The following DLG5 variants were observed in gnomAD, a reference collection of about 807,000 sequenced individuals.
DLG5 encodes the protein discs large MAGUK scaffold protein 5.
DLG5 carries 48 observed loss-of-function variants against 189.8 expected under a neutral mutation model. That is an observed-to-expected ratio of 0.25 (90% CI 0.20 to 0.32). The LOEUF is 0.32. Ranked by LOEUF, DLG5 falls within the 10% of genes least tolerant of loss-of-function variation. DLG5 has a pLI of 1.00. For synonymous variants in DLG5, 1,016 were observed against 1,054.1 expected (o/e 0.96, Z 0.70); for missense variants, 2,160 against 2,544.7 (o/e 0.85, Z 3.25).
At chr10:77,920,269 T>C (rs1846497138) in intron 1 of DLG5, among the ~76,000 whole-genome samples, 1 of 152,224 alleles carries the variant, frequency 6.6e-6, no homozygotes, top group African/African-American at 2.4e-5. Context: ...AAGTAGTTAG[T>C]GTTTTAATTA....
At chr10:77,870,811 G>A (rs1315444639) in intron 1 of DLG5, among the ~76,000 whole-genome samples, 1 of 152,138 alleles carries the variant, frequency 6.6e-6, no homozygotes, top group South Asian at 2.1e-4. Context: ...AGGGGAGGGA[G>A]ATGCACTGTA....
At chr10:77,856,635 C>T in intron 3 of DLG5, 95 bp downstream of exon 3, 2 of 1,510,274 alleles carry the variant, frequency 1.3e-6, no homozygotes, top group Non-Finnish European at 1.8e-6. Flanking sequence ...AGCCTGGACC[C>T]CCAGGAGCCA....
intron 1 of DLG5, among the ~76,000 whole-genome samples, chr10:77,900,512 C>T (rs1280270386): frequency 6.6e-6 from 1 of 152,156 alleles, no homozygotes; most frequent in Non-Finnish European, 1.5e-5. Context: ...AAAAACGATC[C>T]CCTTTGGCTG....
rs1844121430 is a variant in DLG5 at position 77,854,289 on chromosome 10, C to G, written c.618G>C (p.Gln206His). The change falls in exon 4 of 32, where the codon CAG (glutamine) becomes CAC (histidine). Residue 206 changes from glutamine (Q) to histidine (H), a missense_variant. Gln to His is a conservative substitution (Grantham distance 24). Around this residue, in one of 5 missense-constraint regions of DLG5, gnomAD observed 664 missense variants for 838.5 expected, o/e 0.79. Transcript: ENST00000372391. Reference protein sequence around the residue: ...VRAMSDLQSLQNQHTNALKRC... With the variant: ...VRAMSDLQSLHNQHTNALKRC... ...TCTTCAAGGCGTTGGTGTGCTGGTT[C>G]TGCAGGCTCTGCAGGTCCGACATGG... The G allele has an allele frequency of 6.2e-7, 1 of 1,614,096 alleles. No individual in the cohort carries two copies.
chr10:77,879,691 T>C (rs959638987), intron 1 of DLG5, among the ~76,000 whole-genome samples: 2 of 151,228 alleles, frequency 1.3e-5, no homozygotes, highest in Admixed American at 6.6e-5. Flanking sequence ...GATCTGCTCA[T>C]AGGCCCAATG....
chr10:77,870,754 G>C (rs1327983115), intron 1 of DLG5, among the ~76,000 whole-genome samples: 1 of 152,040 alleles, frequency 6.6e-6, no homozygotes, highest in East Asian at 1.9e-4. Flanking sequence ...ATCTTTGGAC[G>C]GGAAAGAGGA....
In DLG5 at chr10:77,811,152, G is replaced by C. The variant is rs1022844919; in HGVS notation, c.4405C>G (p.Pro1469Ala). 1 of 1,613,028 alleles carries C rather than the reference G, an allele frequency of 6.2e-7. No homozygotes were observed. Among genetic ancestry groups the C allele is most frequent in the Admixed American group, 1.7e-5 (1 of 59,978 alleles). Residue 1469 changes from proline (P) to alanine (A), a missense_variant, in exon 23 of 32, where the codon CCA becomes GCA. By Grantham distance (27) the Pro-to-Ala change is conservative. Around this residue, in one of 5 missense-constraint regions of DLG5, gnomAD observed 574 missense variants for 644.2 expected, o/e 0.89. Transcript: ENST00000372391. ...TTPEHPSVID[P>A]LMEQDEGPST... The stretch of plus-strand genomic sequence containing the variant: ...GGCCCCTCGTCCTGCTCCATCAGTG[G>C]GTCGATGACAGATGGATGCTCCGGG...
At position 77,880,647 on chromosome 10, in the gene DLG5, G is replaced by C. The variant is rs540737935; in HGVS notation, c.305-11450C>G. On this transcript the variant is annotated intron_variant, in intron 1 of 31. Coordinates refer to ENST00000372391, the MANE Select transcript of DLG5 (RefSeq NM_004747.4). ...AACTTCCCCAGTTATCAAGGAGGCT[G>C]ATGGAAATGAGGCAGAGCATTAGGG... 7.9e-5 allele frequency among the ~76,000 whole-genome samples: 12 copies of C among 152,246 alleles called. No individual in the cohort carries two copies. In the South Asian group the frequency reaches 2.5e-3, roughly 32 times the overall value.
chr10:77,814,425 G>T (rs1452389408), intron 20 of DLG5, among the ~76,000 whole-genome samples: 1 of 122,948 alleles, frequency 8.1e-6, no homozygotes, highest in East Asian at 2.6e-4. Context: ...TAATATTAAG[G>T]GAGATTTGAT....
intron 25 of DLG5, 122 bp from the exon 26 acceptor site, chr10:77,807,050 C>T: frequency 9.1e-7 from 1 of 1,101,960 alleles, no homozygotes; most frequent in South Asian, 1.6e-5. Flanking sequence ...CAAACTTGAT[C>T]AGGAATCGCC....
intron 1 of DLG5, among the ~76,000 whole-genome samples, chr10:77,884,285 T>C (rs566509494): frequency 1.3e-5 from 2 of 152,102 alleles, no homozygotes; most frequent in African/African-American, 4.8e-5. Flanking sequence ...AAGCAGGCAA[T>C]TGATTGGCCC....
chr10:77,936,446 C>CAAAAAAAAAAAA, the DLG5 span, among the ~76,000 whole-genome samples: 20 of 51,754 alleles, frequency 3.9e-4, no homozygotes, highest in South Asian at 1.6e-3. Context: ...CAAAACAAAA[C>CAAAAAAAAAAAA]AAAAAAAAAA....
chr10:77,873,503 G>A (rs543833038), intron 1 of DLG5, among the ~76,000 whole-genome samples: 7 of 152,142 alleles, frequency 4.6e-5, no homozygotes, highest in South Asian at 2.1e-4. Flanking sequence ...TGTTTACCCC[G>A]TGACTCAGTG....
At chr10:77,855,914 T>C (rs945979074) in intron 3 of DLG5, among the ~76,000 whole-genome samples, 2 of 152,210 alleles carry the variant, frequency 1.3e-5, no homozygotes, top group African/African-American at 2.4e-5. Flanking sequence ...TCTTAGATCA[T>C]GCAGGTAGAT....
Position 77,829,347 on chromosome 10 carries a change from C to T in DLG5, c.2185+8G>A. On this transcript the variant is annotated splice_region_variant and intron_variant, in intron 12 of 31. Transcript: ENST00000372391. Reference sequence around the variant, plus strand: ...TGAGGCACTCTGCCATGTTCACAGGCCCGCTACCTTTCTGTCCACTGAGGT... The same window carrying T: ...TGAGGCACTCTGCCATGTTCACAGGTCCGCTACCTTTCTGTCCACTGAGGT... 6.2e-7 allele frequency: 1 copy of T among 1,613,380 alleles called. No homozygotes were observed. The highest frequency in any genetic ancestry group is 8.5e-7 in the Non-Finnish European group (1 of 1,180,024).
intron 27 of DLG5, among the ~76,000 whole-genome samples, chr10:77,800,615 G>A (rs540336895): frequency 1.3e-5 from 2 of 152,358 alleles, no homozygotes; most frequent in African/African-American, 2.4e-5. Flanking sequence ...CTCCAAAGCA[G>A]GTGAGATCAA....
chr10:77,938,399 C>A, the DLG5 span, among the ~76,000 whole-genome samples: 1 of 152,244 alleles, frequency 6.6e-6, no homozygotes, highest in African/African-American at 2.4e-5. Flanking sequence ...CCACTGTACT[C>A]CAGCCTGGGT....
intron 2 of DLG5, 83 bp from the exon 3 acceptor site, chr10:77,856,975 T>C: frequency 7.2e-7 from 1 of 1,384,848 alleles, no homozygotes. Context: ...TGTTGGCTTG[T>C]GTTAGCTATT....
intron 27 of DLG5, among the ~76,000 whole-genome samples, chr10:77,804,527 C>T (rs912831169): frequency 6.6e-6 from 1 of 152,210 alleles, no homozygotes; most frequent in Admixed American, 6.5e-5. Flanking sequence ...CACTCTGCTG[C>T]TCACTGCCAC....
Sources: gnomAD v4.1 joint callset for allele counts (sites outside exome capture counted in the v4.1 genomes callset) on GRCh38, gnomAD v4.1.1 for gene constraint, gnomAD v4.1.1 regional missense constraint, MANE v1.5 for transcripts, NCBI Gene and HGNC (gene_info 2026-07-23, HGNC 2026-07-21) for gene names.